Variants in STK3 observed in about 807,000 individuals in gnomAD.
STK3 encodes serine/threonine-protein kinase 3.
Under a neutral mutation model 58.0 loss-of-function variants are expected in STK3, and 41 were observed. That is an observed-to-expected ratio of 0.71 (90% CI 0.55 to 0.92). The LOEUF is 0.92. Ranked by LOEUF, STK3 falls within the 40% of genes least tolerant of loss-of-function variation. The pLI is 0.00. For synonymous variants in STK3, 170 were observed against 191.0 expected, an observed-to-expected ratio of 0.89 and a Z score of 0.91; for missense variants, 479 against 602.7, an observed-to-expected ratio of 0.79 and a Z score of 2.15.
At chr8:98,562,737 G>GA (rs778049177) in intron 8 of STK3, among the ~76,000 whole-genome samples, 3,589 of 17,354 alleles carry the variant, frequency 0.21, 1,095 homozygotes, top group East Asian at 0.36. Flanking sequence ...CACAAAAAAT[G>GA]AAAAAAAAAA....
chr8:98,644,995 A>C (rs1291214465), intron 6 of STK3, among the ~76,000 whole-genome samples: 1 of 152,154 alleles, frequency 6.6e-6, no homozygotes, highest in Non-Finnish European at 1.5e-5. Context: ...CGTGGTTAAG[A>C]TTTACTGCAT....
intron 8 of STK3, among the ~76,000 whole-genome samples, chr8:98,573,509 A>G (rs531747264): frequency 1.3e-5 from 2 of 152,226 alleles, no homozygotes; most frequent in South Asian, 4.2e-4. Flanking sequence ...GGTCCCTCCC[A>G]TGACGCGTGA....
chr8:98,466,327 A>G (rs916924070), intron 10 of STK3, among the ~76,000 whole-genome samples: 1 of 152,218 alleles, frequency 6.6e-6, no homozygotes, highest in Admixed American at 6.5e-5. Context: ...AACTTAAAGT[A>G]ATTTAATTTT....
At chr8:98,840,497 T>C (rs1190490929) in intron 3 of STK3, among the ~76,000 whole-genome samples, 1 of 146,702 alleles carries the variant, frequency 6.8e-6, no homozygotes, top group Non-Finnish European at 1.5e-5. Flanking sequence ...TCTTGAGCCC[T>C]GGAGGTGGAG....
chr8:98,716,260 TG>T (rs1283282975), intron 4 of STK3, among the ~76,000 whole-genome samples: 2 of 152,126 alleles, frequency 1.3e-5, no homozygotes, highest in Non-Finnish European at 2.9e-5. Context: ...GTTGTGCACA[TG>T]TACCCTAAAA....
chr8:98,776,466 T>G (rs1831684644), intron 1 of STK3, among the ~76,000 whole-genome samples: 1 of 152,212 alleles, frequency 6.6e-6, no homozygotes, highest in Non-Finnish European at 1.5e-5. Flanking sequence ...TCCCCAAATG[T>G]GACTTCATTA....
intron 6 of STK3, among the ~76,000 whole-genome samples, chr8:98,602,622 T>C (rs1816443380): frequency 6.6e-6 from 1 of 152,222 alleles, no homozygotes; most frequent in African/African-American, 2.4e-5. Flanking sequence ...CCTAAATTTA[T>C]ACTGAGAGTG....
At chr8:98,527,232 A>G (rs933712080) in intron 9 of STK3, among the ~76,000 whole-genome samples, 1 of 152,172 alleles carries the variant, frequency 6.6e-6, no homozygotes, top group African/African-American at 2.4e-5. Context: ...TTTCTCAAAG[A>G]AAGTAAATTT....
rs144835703 is a variant in STK3, at chr8:98,660,387, G to A, written c.684+46080C>T. ...ATTTAACGCTACTGAACTGTGCACT[G>A]AAAAACAGTTAAGATGGTAAATTTT... On this transcript the variant is annotated intron_variant, in intron 6 of 10. Coordinates refer to ENST00000419617, the MANE Select transcript of STK3 (RefSeq NM_006281.4). 1.9e-3 allele frequency among the ~76,000 whole-genome samples: 287 copies of A among 152,080 alleles called. 7 individuals are homozygous for A. The highest frequency in any genetic ancestry group is 1.1e-3 in the Non-Finnish European group (73 of 67,918).
intron 8 of STK3, among the ~76,000 whole-genome samples, chr8:98,568,067 AG>A (rs1563748304): frequency 3.4e-5 from 2 of 59,056 alleles, no homozygotes; most frequent in Non-Finnish European, 8.8e-5. Flanking sequence ...GATAGATGAT[AG>A]ATAGATAGAT....
At chr8:98,368,520 C>A (rs1177952295), downstream of STK3, among the ~76,000 whole-genome samples, 1 of 152,212 alleles carries the variant, frequency 6.6e-6, no homozygotes, top group Non-Finnish European at 1.5e-5. Context: ...GGTTCCCACA[C>A]AAACCCCTAA....
At chr8:98,922,514 C>T (rs1029016794) in intron 1 of STK3, among the ~76,000 whole-genome samples, 34 of 152,162 alleles carry the variant, frequency 2.2e-4, no homozygotes, top group African/African-American at 6.3e-4. Context: ...ACATGGACAG[C>T]GATGGTGTTT....
intron 9 of STK3, among the ~76,000 whole-genome samples, chr8:98,529,293 G>T (rs956308015): frequency 9.9e-5 from 15 of 152,024 alleles, no homozygotes; most frequent in Admixed American, 9.8e-4. Flanking sequence ...AAAGGGGGGG[G>T]GACGGAGATT....
intron 3 of STK3, among the ~76,000 whole-genome samples, chr8:98,402,405 G>C (rs1211028763): frequency 2.0e-5 from 3 of 152,178 alleles, no homozygotes; most frequent in African/African-American, 7.2e-5. Context: ...AGAGTCCAAG[G>C]GATCGGAGCT....
chr8:98,598,774 A>AAAATAAATGACATGATTATCC, intron 6 of STK3: 1 of 985,424 alleles, frequency 1.0e-6, no homozygotes, highest in Non-Finnish European at 1.2e-6. Flanking sequence ...GAATGTTAGT[A>AAAATAAATGACATGATTATCC]AAATAAATGA....
At chr8:98,486,198 T>C (rs1822239542) in intron 10 of STK3, among the ~76,000 whole-genome samples, 1 of 152,208 alleles carries the variant, frequency 6.6e-6, no homozygotes, top group African/African-American at 2.4e-5. Flanking sequence ...AATAATGCAC[T>C]TGCCTGTGTG....
At chr8:98,486,320 A>G (rs554582814) in intron 10 of STK3, among the ~76,000 whole-genome samples, 4 of 152,330 alleles carry the variant, frequency 2.6e-5, no homozygotes, top group African/African-American at 7.2e-5. Context: ...CGTAGCCCCA[A>G]TCTGGTTGGG....
chr8:98,488,255 CA>C (rs1292224921), intron 10 of STK3, among the ~76,000 whole-genome samples: 2 of 152,058 alleles, frequency 1.3e-5, no homozygotes, highest in African/African-American at 2.4e-5. Flanking sequence ...GAGCTGCTGG[CA>C]AAAGTGCAGT....
At chr8:98,670,292 C>T (rs569612660) in intron 6 of STK3, among the ~76,000 whole-genome samples, 205 of 151,882 alleles carry the variant, frequency 1.3e-3, no homozygotes, top group Non-Finnish European at 2.4e-3. Flanking sequence ...TGCCCAGGCT[C>T]GAGGGGTTGC....
Sources: allele counts gnomAD v4.1 joint callset (sites outside exome capture counted in the v4.1 genomes callset), GRCh38; gene constraint gnomAD v4.1.1; transcripts MANE v1.5; gene names NCBI Gene and HGNC (gene_info 2026-07-23, HGNC 2026-07-21).